The following CACNA1A variants were observed in gnomAD, a reference collection of about 807,000 sequenced individuals.
CACNA1A encodes voltage-dependent P/Q-type calcium channel subunit alpha-1A.
CACNA1A carries 57 observed loss-of-function variants against 262.4 expected under a neutral mutation model. The observed-to-expected ratio is 0.22, with a 90% CI of 0.18 to 0.27. The LOEUF is 0.27. Among genes scored for constraint, CACNA1A ranks in the 10% least tolerant of loss-of-function variants. The probability of loss-of-function intolerance (pLI) is 1.00; values close to 1 mark genes in which losing one functional copy is unlikely to be tolerated. For missense variants in CACNA1A, 2,526 were observed against 3,562.8 expected, an observed-to-expected ratio of 0.71 and a Z score of 7.41; for synonymous variants, 1,431 against 1,419.3, an observed-to-expected ratio of 1.01 and a Z score of -0.18.
intron 3 of CACNA1A, among the ~76,000 whole-genome samples, chr19:13,389,386 GCCC>G (rs2059674021): frequency 6.6e-6 from 1 of 152,002 alleles, no homozygotes; most frequent in Non-Finnish European, 1.5e-5. Context: ...TCTCGTACCT[GCCC>G]CTAACAGACC....
chr19:13,458,369 G>T (rs575285200), intron 1 of CACNA1A, among the ~76,000 whole-genome samples: 1 of 152,042 alleles, frequency 6.6e-6, no homozygotes, highest in East Asian at 1.9e-4. Flanking sequence ...GTTGCCCAGG[G>T]TGGTCTTGAA....
At chr19:13,357,774 C>A (rs2059031016) in intron 6 of CACNA1A, among the ~76,000 whole-genome samples, 1 of 152,114 alleles carries the variant, frequency 6.6e-6, no homozygotes, top group Non-Finnish European at 1.5e-5. Flanking sequence ...GAGGCTGAGG[C>A]AGGAGGATTG....
chr19:13,308,029 G>T lies in CACNA1A; in HGVS notation c.1913+91C>A. The T allele has an allele frequency of 1.3e-6, 2 of 1,539,826 alleles. No homozygotes were observed. Among genetic ancestry groups the T allele is most frequent in the South Asian group, 1.2e-5 (1 of 83,082 alleles). ...TGACCGCAATGGGTGTCTGGGCTAC[G>T]AGGAAGGCAGCCTGCACGGTGGAGG... On this transcript the variant is annotated intron_variant, in intron 14 of 46. Transcript: ENST00000360228. The surrounding 1 kb of genome is among the most constrained non-coding windows in gnomAD (Gnocchi z 4.2).
intron 25 of CACNA1A, chr19:13,262,511 T>A (rs2056757817): frequency 1.9e-6 from 1 of 516,414 alleles, no homozygotes; most frequent in Non-Finnish European, 3.5e-6. Context: ...CCAAGACACT[T>A]CATCTAAAGA....
At chr19:13,217,955 A>C (rs1020943505) in intron 38 of CACNA1A, among the ~76,000 whole-genome samples, 6 of 148,542 alleles carry the variant, frequency 4.0e-5, no homozygotes, top group African/African-American at 1.5e-4. Context: ...TTTTTTTAAA[A>C]AAAAGAGATA....
chr19:13,235,200 G>T lies in CACNA1A; in HGVS notation c.5133+9C>A. ...GAGGCTCTGGGAACCTTAGGGACAC[G>T]ACACTCACCTGCATCCCAATGATGG... On this transcript the variant is annotated intron_variant, in intron 33 of 46. Coordinates refer to ENST00000360228, the MANE Select transcript of CACNA1A (RefSeq NM_001127222.2). 1 of 1,606,652 alleles carries T rather than the reference G, an allele frequency of 6.2e-7. No individual in the cohort carries two copies. Among genetic ancestry groups the T allele is most frequent in the Non-Finnish European group, 8.5e-7 (1 of 1,176,206 alleles).
chr19:13,453,539 T>A (rs2060953992), intron 2 of CACNA1A, among the ~76,000 whole-genome samples: 1 of 152,164 alleles, frequency 6.6e-6, no homozygotes, highest in Admixed American at 6.5e-5. Flanking sequence ...TTGACCTCAC[T>A]CCTAAATCTG....
intron 1 of CACNA1A, among the ~76,000 whole-genome samples, chr19:13,496,149 C>G (rs929584219): frequency 2.0e-5 from 3 of 152,160 alleles, no homozygotes; most frequent in Non-Finnish European, 4.4e-5. Flanking sequence ...CCACAAACAT[C>G]CAGCTATGAT....
chr19:13,455,917 C>T (rs576256343), intron 1 of CACNA1A, among the ~76,000 whole-genome samples: 14 of 148,936 alleles, frequency 9.4e-5, no homozygotes, highest in African/African-American at 3.0e-4. Context: ...ATAGAGGCTG[C>T]GGTGGGTGGA....
chr19:13,415,743 TAAAAAAAAAAAAAAAA>T (rs71170510), intron 3 of CACNA1A, among the ~76,000 whole-genome samples: 1 of 42,512 alleles, frequency 2.4e-5, no homozygotes, highest in Admixed American at 3.5e-4. Flanking sequence ...CTGTCTCAAT[TAAAAAAAAAAAAAAAA>T]AAAAAAAAAA....
At chr19:13,342,695 C>T (rs1272843180) in intron 6 of CACNA1A, among the ~76,000 whole-genome samples, 1 of 152,142 alleles carries the variant, frequency 6.6e-6, no homozygotes, top group Non-Finnish European at 1.5e-5. Context: ...AGTGTGGGAC[C>T]TTCTAGCATT....
chr19:13,303,800 T>C lies in CACNA1A; in HGVS notation c.2071A>G (p.Ile691Val). Residue 691 changes from isoleucine (I) to valine (V), a missense_variant, in exon 16 of 47, where the codon ATC becomes GTC. By Grantham distance (29) the Ile-to-Val change is conservative. Coordinates refer to ENST00000360228, the MANE Select transcript of CACNA1A (RefSeq NM_001127222.2). ...AAGAGCGTCAGTACAATGAAATAGATGGAGAACACCATGCCGCCCTGCACG... is the reference window on the plus strand; with the variant it reads ...AAGAGCGTCAGTACAATGAAATAGACGGAGAACACCATGCCGCCCTGCACG... ...GGVQGGMVFS[I>V]YFIVLTLFGN... 6.2e-7 allele frequency: 1 copy of C among 1,613,250 alleles called. No individual in the cohort carries two copies. The highest frequency in any genetic ancestry group is 1.3e-5 in the African/African-American group (1 of 74,952).
intron 4 of CACNA1A, chr19:13,371,096 A>G (rs2059315666): frequency 6.6e-6 from 1 of 152,234 alleles, no homozygotes; most frequent in Non-Finnish European, 1.5e-5. Flanking sequence ...CCACTCTAAG[A>G]ATTCAGGTGA....
At position 13,212,249 on chromosome 19, in the gene CACNA1A, T is replaced by C; in HGVS notation, c.6190-33A>G. The C allele has an allele frequency of 6.2e-7, 1 of 1,601,842 alleles. No homozygotes were observed. Among genetic ancestry groups the C allele is most frequent in the Non-Finnish European group, 8.5e-7 (1 of 1,169,590 alleles). On this transcript the variant is annotated intron_variant, in intron 42 of 46. Transcript: ENST00000360228. The surrounding 1 kb of genome is among the most constrained non-coding windows in gnomAD (Gnocchi z 5.6). ...GCAGATGGCAAAGCCAGATGAGCTCTGGGGCCTGACCTCCAGATCCCTGGT... is the reference window on the plus strand; with the variant it reads ...GCAGATGGCAAAGCCAGATGAGCTCCGGGGCCTGACCTCCAGATCCCTGGT...
intron 12 of CACNA1A, among the ~76,000 whole-genome samples, chr19:13,309,544 T>C (rs1474534073): frequency 6.8e-6 from 1 of 146,750 alleles, no homozygotes; most frequent in Admixed American, 6.9e-5. Flanking sequence ...AAAAAAAAAA[T>C]TAGTCAAGCA....
At chr19:13,217,516 T>G (rs541971589) in intron 38 of CACNA1A, among the ~76,000 whole-genome samples, 21 of 152,150 alleles carry the variant, frequency 1.4e-4, no homozygotes, top group Non-Finnish European at 2.9e-4. Context: ...CCTCTTGACC[T>G]TCCGTAACCC....
At chr19:13,378,463 AGAGTCG>A (rs1274691037) in intron 3 of CACNA1A, among the ~76,000 whole-genome samples, 1 of 152,136 alleles carries the variant, frequency 6.6e-6, no homozygotes, top group Non-Finnish European at 1.5e-5. Flanking sequence ...CGTGAAAGGA[AGAGTCG>A]ATGGATGCGG....
Position 13,332,847 on chromosome 19 carries a change from G to C in CACNA1A, c.1255+22C>G, listed in dbSNP as rs771013419. 5.1e-6 allele frequency: 8 copies of C among 1,581,392 alleles called. No homozygotes were observed. In the Admixed American group the frequency reaches 1.0e-4, roughly 20 times the overall value. On this transcript the variant is annotated intron_variant, in intron 9 of 46. Coordinates refer to ENST00000360228, the MANE Select transcript of CACNA1A (RefSeq NM_001127222.2). ...CCCTTCTCCCCTGGGACCCACCCCT[G>C]AGGTGGGTTTAGAGCAGTTACCATC...
intron 11 of CACNA1A, chr19:13,316,033 C>A (rs1048429795): frequency 1.2e-4 from 18 of 152,228 alleles, no homozygotes; most frequent in Non-Finnish European, 2.4e-4. Flanking sequence ...TCTTGGCTCA[C>A]TGCAACCTCT....
Sources: gnomAD v4.1 joint callset for allele counts (sites outside exome capture counted in the v4.1 genomes callset) on GRCh38, gnomAD v4.1.1 for gene constraint, Gnocchi (gnomAD v3.1) non-coding constraint, MANE v1.5 for transcripts, NCBI Gene and HGNC (gene_info 2026-07-23, HGNC 2026-07-21) for gene names.